The following FAM199X variants were observed in gnomAD, a reference collection of about 807,000 sequenced individuals.
FAM199X encodes family with sequence similarity 199, X-linked.
Under a neutral mutation model 22.9 loss-of-function variants are expected in FAM199X, and 4 were observed. The observed-to-expected ratio is 0.17, with a 90% CI of 0.09 to 0.40. FAM199X has a LOEUF of 0.40. Among genes scored for constraint, FAM199X ranks in the 10% least tolerant of loss-of-function variants. FAM199X has a pLI of 1.00. For synonymous variants in FAM199X, 101 were observed against 112.3 expected, an observed-to-expected ratio of 0.90 and a Z score of 0.64; for missense variants, 183 against 306.8, an observed-to-expected ratio of 0.60 and a Z score of 3.01.
At position 104,166,946 on chromosome X, in the gene FAM199X, A is replaced by G; in HGVS notation, c.161A>G (p.His54Arg). ...SDFGCQLSSC[H>R]RTDPLHRFHT... ...TTCGGCTGCCAGCTGTCCTCCTGCCATCGCACCGACCCGCTCCACCGCTTC... is the reference window on the plus strand; with the variant it reads ...TTCGGCTGCCAGCTGTCCTCCTGCCGTCGCACCGACCCGCTCCACCGCTTC... Residue 54 changes from histidine to arginine, a missense_variant, in exon 1 of 6, where the codon CAT (histidine) becomes CGT (arginine). His to Arg is a conservative substitution (Grantham distance 29, BLOSUM62 0). Around this residue, in one of 2 missense-constraint regions of FAM199X, gnomAD observed 55 missense variants for 60.6 expected, o/e 0.91. Transcript: ENST00000493442. 4 of 1,184,425 alleles carry G rather than the reference A, an allele frequency of 3.4e-6. No individual in the cohort carries two copies. Among genetic ancestry groups the G allele is most frequent in the Non-Finnish European group, 4.5e-6 (4 of 880,798 alleles).
upstream of FAM199X, among the ~76,000 whole-genome samples, chrX:104,163,546 G>C (rs1256770664): frequency 1.8e-5 from 2 of 111,921 alleles, no homozygotes; most frequent in Non-Finnish European, 3.8e-5. Context: ...ATCAACTCCA[G>C]TGATTAAGAA....
At chrX:104,174,586 A>G (rs1921443536) in intron 1 of FAM199X, among the ~76,000 whole-genome samples, 1 of 111,830 alleles carries the variant, frequency 8.9e-6, no homozygotes, top group Non-Finnish European at 1.9e-5. Flanking sequence ...ATATTAAAAA[A>G]TTAGAAACAG....
chrX:104,173,829 T>C (rs1402397688), intron 1 of FAM199X, among the ~76,000 whole-genome samples: 1 of 112,093 alleles, frequency 8.9e-6, no homozygotes, highest in Non-Finnish European at 1.9e-5. Context: ...CAATAAATAC[T>C]GTAGACAAAA....
chrX:104,175,667 G>T lies in FAM199X; in HGVS notation c.242G>T (p.Gly81Val). The T allele has an allele frequency of 3.3e-6, 4 of 1,211,516 alleles. No individual in the cohort carries two copies. The highest frequency in any genetic ancestry group is 4.5e-6 in the Non-Finnish European group (4 of 895,344). ...GGAACAAGTGTTGCCAGCTCAGAAG[G>T]CAGTGAGGAGCTGTTTTCATCTGTG... ...SCGTSVASSE[G>V]SEELFSSVSV... is the part of the protein sequence containing the mutation. Residue 81 changes from glycine (G) to valine (V), a missense_variant, in exon 2 of 6, where the codon GGC becomes GTC. Around this residue, in one of 2 missense-constraint regions of FAM199X, gnomAD observed 128 missense variants for 246.2 expected, o/e 0.52. Coordinates refer to ENST00000493442, the MANE Select transcript of FAM199X (RefSeq NM_207318.4).
At chrX:104,187,957 G>C in intron 4 of FAM199X, 83 bp from the exon 5 acceptor site, 1 of 1,096,240 alleles carries the variant, frequency 9.1e-7, no homozygotes, top group Non-Finnish European at 1.2e-6. Flanking sequence ...TTTAGATTAA[G>C]TACAATATTA....
intron 2 of FAM199X, among the ~76,000 whole-genome samples, chrX:104,180,286 CTCT>C (rs1263704075): frequency 1.1e-5 from 1 of 94,559 alleles, no homozygotes; most frequent in Admixed American, 1.2e-4. Context: ...CAGCCAGTGT[CTCT>C]TTTTTTTTTT....
At chrX:104,189,461 G>A in intron 5 of FAM199X, 147 bp from the exon 6 acceptor site, 1 of 566,082 alleles carries the variant, frequency 1.8e-6, no homozygotes, top group Non-Finnish European at 2.9e-6. Flanking sequence ...CTAAGCCAGT[G>A]GCTCACTTAT....
At chrX:104,161,070 ATTTAT>A in the FAM199X span, among the ~76,000 whole-genome samples, 1 of 111,316 alleles carries the variant, frequency 9.0e-6, no homozygotes, top group Non-Finnish European at 1.9e-5. Flanking sequence ...ATATATCATA[ATTTAT>A]TTTAATTCCT....
rs782482950 is a variant in FAM199X at position 104,188,107 on chromosome X, A to G, written c.797A>G (p.Asn266Ser). Residue 266 changes from asparagine (N) to serine (S), a missense_variant, in exon 5 of 6, where the codon AAC becomes AGC. This residue lies in a region of FAM199X where 128 missense variants were observed against 246.2 expected (regional missense o/e 0.52). Coordinates refer to ENST00000493442, the MANE Select transcript of FAM199X (RefSeq NM_207318.4). Reference sequence around the variant, plus strand: ...GCAAGAGAGGCCTGGAAGAGAAGCAACTTTAGTTGTGCAAGCACCAGTGGA... The same window carrying G: ...GCAAGAGAGGCCTGGAAGAGAAGCAGCTTTAGTTGTGCAAGCACCAGTGGA... ...RPAREAWKRS[N>S]FSCASTSGVS... The G allele has an allele frequency of 4.1e-6, 5 of 1,211,836 alleles. No individual in the cohort carries two copies. Among genetic ancestry groups the G allele is most frequent in the Non-Finnish European group, 4.5e-6 (4 of 895,541 alleles).
rs181754725 is a variant in FAM199X at position 104,195,664 on chromosome X, T to C, written c.*5886T>C. On this transcript the variant is annotated 3_prime_UTR_variant, in exon 6 of 6. Transcript: ENST00000493442. ...CAATTCAGCTTTTCAGCAGCAACTT[T>C]ATCTTTTGCCACTAGAGGGAGATCT... 133 of 111,484 alleles carry C rather than the reference T, an allele frequency of 1.2e-3. 2 individuals carry two copies. Among genetic ancestry groups the C allele is most frequent in the African/African-American group, 3.6e-3 (111 of 30,746 alleles). 9.2% of individuals were successfully genotyped at this position (111,484 alleles called of 1,213,427 possible).
upstream of FAM199X, among the ~76,000 whole-genome samples, chrX:104,163,946 G>A (rs894787336): frequency 9.1e-6 from 1 of 110,406 alleles, no homozygotes; most frequent in African/African-American, 3.3e-5. Flanking sequence ...GGGATTACAG[G>A]CATAAGCCAC....
chrX:104,182,425 T>A (rs1556378089), intron 2 of FAM199X, among the ~76,000 whole-genome samples: 1 of 111,560 alleles, frequency 9.0e-6, no homozygotes, highest in Admixed American at 9.5e-5. Flanking sequence ...CCCATAGTGC[T>A]TTTTAGCTGA....
At chrX:104,164,909 T>G (rs190599042), upstream of FAM199X, among the ~76,000 whole-genome samples, 54 of 111,733 alleles carry the variant, frequency 4.8e-4, no homozygotes, top group African/African-American at 1.5e-3. Flanking sequence ...TAAAATAAAA[T>G]AGACTATTTC....
chrX:104,184,346 A>G (rs1166897423), intron 2 of FAM199X, among the ~76,000 whole-genome samples: 1 of 112,394 alleles, frequency 8.9e-6, no homozygotes, highest in Non-Finnish European at 1.9e-5. Flanking sequence ...TGCAAGCTCT[A>G]TAGAACCAAA....
chrX:104,174,330 C>G (rs1921436284), intron 1 of FAM199X, among the ~76,000 whole-genome samples: 1 of 109,362 alleles, frequency 9.1e-6, no homozygotes, highest in South Asian at 3.8e-4. Context: ...AAGTTTCTGT[C>G]CTATAAGATA....
chrX:104,160,904 A>G, the FAM199X span, among the ~76,000 whole-genome samples: 1 of 111,533 alleles, frequency 9.0e-6, no homozygotes, highest in African/African-American at 3.3e-5. Flanking sequence ...CACTGATTCT[A>G]ATCTCACTTG....
chrX:104,193,679 C>A lies in FAM199X; in HGVS notation c.*3901C>A. 1 of 112,004 alleles carries A rather than the reference C, an allele frequency of 8.9e-6. No homozygotes were observed. Among genetic ancestry groups the A allele is most frequent in the Non-Finnish European group, 1.9e-5 (1 of 53,002 alleles). The allele number at this position is 112,004 out of a possible 1,213,427, so 9.2% of individuals were successfully genotyped here. ...AGTGTTGATGTTGAGGGCACTGACT[C>A]ATTCAGCATGTCTGAACTAGAAGTA... On this transcript the variant is annotated 3_prime_UTR_variant, in exon 6 of 6. Coordinates refer to ENST00000493442, the MANE Select transcript of FAM199X (RefSeq NM_207318.4).
intron 1 of FAM199X, 91 bp downstream of exon 1, chrX:104,167,073 C>A: frequency 1.2e-6 from 1 of 832,694 alleles, no homozygotes; most frequent in Non-Finnish European, 1.6e-6. Flanking sequence ...CTTCCAGTCG[C>A]CCCCTCCCCC....
intron 2 of FAM199X, among the ~76,000 whole-genome samples, chrX:104,183,130 A>G (rs1248233800): frequency 9.0e-6 from 1 of 111,504 alleles, no homozygotes; most frequent in Non-Finnish European, 1.9e-5. Context: ...ATTCTCCAAG[A>G]TTTAGGTGAA....
Sources: allele counts gnomAD v4.1 joint callset (sites outside exome capture counted in the v4.1 genomes callset), GRCh38; gene constraint gnomAD v4.1.1; regional missense constraint gnomAD v4.1.1; transcripts MANE v1.5; gene names NCBI Gene and HGNC (gene_info 2026-07-23, HGNC 2026-07-21).